MACROD2: variants seen among roughly 807,000 people sequenced by gnomAD.
MACROD2 encodes mono-ADP ribosylhydrolase 2.
A neutral mutation model predicts 70.4 loss-of-function variants in MACROD2; 36 were observed. The observed-to-expected ratio is 0.51, with a 90% CI of 0.39 to 0.68. The LOEUF (loss-of-function observed/expected upper bound fraction) is 0.68, where lower values mean the gene tolerates loss of function less well. Ranked by LOEUF, MACROD2 falls within the 30% of genes least tolerant of loss-of-function variation. The probability of loss-of-function intolerance (pLI) is 0.00; values close to 1 mark genes in which losing one functional copy is unlikely to be tolerated. For synonymous variants in MACROD2, 172 were observed against 178.8 expected (o/e 0.96, Z 0.30); for missense variants, 496 against 538.4 (o/e 0.92, Z 0.78).
intron 3 of MACROD2, among the ~76,000 whole-genome samples, chr20:14,468,176 T>C (rs985409630): frequency 1.2e-4 from 19 of 152,014 alleles, no homozygotes; most frequent in African/African-American, 4.6e-4. Flanking sequence ...TTTAATTTCC[T>C]GTCTTGTTGA....
In MACROD2 at chr20:15,936,671, G is replaced by GTATATATA. The variant is rs10626103; in HGVS notation, c.839-795_839-788dup. Among the ~76,000 whole-genome samples the GTATATATA allele has an allele frequency of 6.3e-5, 9 of 143,298 alleles. No homozygotes were observed. The East Asian group carries it at 8.6e-4, about 14-fold the overall frequency. The allele number at this position is 143,298 out of a possible 152,430, so 94.0% of individuals were successfully genotyped here. A position where few individuals can be genotyped will look rare whatever the true frequency, so the allele number is the denominator to read the frequency against. Reference sequence around the variant, plus strand: ...TTTTGTCCATAATGTGTATATGTGTGTATATATATATATATATTCATTTTC... The same window carrying GTATATATA: ...TTTTGTCCATAATGTGTATATGTGTGTATATATATATATATATATATATATTCATTTTC... On this transcript the variant is annotated intron_variant, in intron 11 of 17. Transcript: ENST00000684519.
chr20:15,782,471 C>T (rs1169333021), intron 8 of MACROD2, among the ~76,000 whole-genome samples: 2 of 151,994 alleles, frequency 1.3e-5, no homozygotes, highest in African/African-American at 4.8e-5. Context: ...GCTGGAGCTG[C>T]AAGAATGGCC....
chr20:15,234,789 A>G (rs1156291131), intron 6 of MACROD2, among the ~76,000 whole-genome samples: 1 of 152,216 alleles, frequency 6.6e-6, no homozygotes, highest in Admixed American at 6.5e-5. Context: ...AAAAATTTCT[A>G]TTGAGCCAGG....
intron 5 of MACROD2, among the ~76,000 whole-genome samples, chr20:15,128,336 T>G (rs1225591070): frequency 6.6e-6 from 1 of 152,086 alleles, no homozygotes; most frequent in Non-Finnish European, 1.5e-5. Flanking sequence ...AATGTGTCCC[T>G]TCCAACGTTC....
chr20:14,080,341 G>T (rs1335981923), intron 2 of MACROD2, among the ~76,000 whole-genome samples: 1 of 149,756 alleles, frequency 6.7e-6, no homozygotes, highest in Non-Finnish European at 1.5e-5. Context: ...TACTCAGGAG[G>T]CTGAAGGAGG....
intron 3 of MACROD2, among the ~76,000 whole-genome samples, chr20:14,140,614 CTTTCTTT>C (rs894310189): frequency 3.3e-5 from 5 of 152,092 alleles, no homozygotes; most frequent in Non-Finnish European, 7.4e-5. Context: ...AAAGTATCAA[CTTTCTTT>C]TTTCTTTTTT....
At position 13,995,819 on chromosome 20, in the gene MACROD2, C is replaced by A. The variant is rs774556247; in HGVS notation, c.46+10C>A. The A allele has an allele frequency of 5.1e-6, 8 of 1,574,090 alleles. No individual in the cohort carries two copies. The highest frequency in any genetic ancestry group is 1.7e-4 in the Middle Eastern group (1 of 5,788). On this transcript the variant is annotated intron_variant, in intron 1 of 17. Transcript: ENST00000684519. This position sits in a 1 kb window ranked among gnomAD's most constrained non-coding sequence, Gnocchi z 4.3. ...TGGAGAGAGGAGAAAGGTAACCGGC[C>A]CGTCGAGTCCTGGGGGTGCGGGCGG...
chr20:14,119,424 C>T (rs1479986951), intron 3 of MACROD2, among the ~76,000 whole-genome samples: 1 of 152,122 alleles, frequency 6.6e-6, no homozygotes, highest in African/African-American at 2.4e-5. Context: ...CCTACCTCAG[C>T]CTCCCAAAGT....
At chr20:14,560,463 T>C (rs1375369718) in intron 4 of MACROD2, among the ~76,000 whole-genome samples, 1 of 151,792 alleles carries the variant, frequency 6.6e-6, no homozygotes, top group East Asian at 1.9e-4. Context: ...CATATGTGGT[T>C]GGATATAAGA....
chr20:15,160,495 C>T (rs1407284573), intron 5 of MACROD2, among the ~76,000 whole-genome samples: 2 of 152,086 alleles, frequency 1.3e-5, no homozygotes, highest in African/African-American at 4.8e-5. Context: ...TCCTTTGACC[C>T]TACTTTTTAT....
At chr20:14,296,519 A>T (rs2082428876) in intron 3 of MACROD2, among the ~76,000 whole-genome samples, 1 of 152,024 alleles carries the variant, frequency 6.6e-6, no homozygotes, top group Non-Finnish European at 1.5e-5. Context: ...CACAAATGTA[A>T]TGTTTGCGTG....
At chr20:14,822,903 A>C (rs2072862644) in intron 5 of MACROD2, among the ~76,000 whole-genome samples, 1 of 152,092 alleles carries the variant, frequency 6.6e-6, no homozygotes, top group Non-Finnish European at 1.5e-5. Context: ...ATCTAAAAAA[A>C]AGTGCTGTCA....
In MACROD2 at chr20:15,230,039, AAG is replaced by A; in HGVS notation, c.520_521del (p.Glu174LysfsTer2). ...TATAAATCATCTCTGAAGCTCGTGA[AAG>A]AAAATAACATCCGATCAGTTGTAAG... is the stretch of plus-strand genomic sequence containing the variant. On this transcript the variant is annotated frameshift_variant, in exon 6 of 18. Transcript: ENST00000684519. LOFTEE classifies it high-confidence loss of function. 1 of 1,613,576 alleles carries A rather than the reference AAG, an allele frequency of 6.2e-7. No individual in the cohort carries two copies. Among genetic ancestry groups the A allele is most frequent in the Non-Finnish European group, 8.5e-7 (1 of 1,179,704 alleles).
At chr20:15,504,033 C>G (rs538458556) in intron 8 of MACROD2, among the ~76,000 whole-genome samples, 92 of 152,280 alleles carry the variant, frequency 6.0e-4, no homozygotes, top group African/African-American at 2.1e-3. Flanking sequence ...CATTAACTTA[C>G]TCTCTGATTT....
chr20:15,485,641 GTTTTCCTCCTTTAAAA>G (rs2146462847), intron 7 of MACROD2, among the ~76,000 whole-genome samples: 1 of 152,232 alleles, frequency 6.6e-6, no homozygotes, highest in South Asian at 2.1e-4. Context: ...TTAAAATGCA[GTTTTCCTCCTTTAAAA>G]TTCTGTGGCT....
At chr20:15,899,632 G>A (rs1040095600) in intron 10 of MACROD2, among the ~76,000 whole-genome samples, 3 of 152,168 alleles carry the variant, frequency 2.0e-5, no homozygotes, top group African/African-American at 7.2e-5. Flanking sequence ...GCCTTCAGTG[G>A]CTTTTGGTAA....
intron 6 of MACROD2, among the ~76,000 whole-genome samples, chr20:15,389,599 T>TC (rs2045765530): frequency 1.3e-5 from 2 of 152,228 alleles, no homozygotes; most frequent in South Asian, 4.1e-4. Flanking sequence ...AAAGTGTGAA[T>TC]ATTTTTACTA....
chr20:14,923,640 G>A (rs1368065252), intron 5 of MACROD2, among the ~76,000 whole-genome samples: 1 of 151,968 alleles, frequency 6.6e-6, no homozygotes, highest in African/African-American at 2.4e-5. Flanking sequence ...CATGGTGTGA[G>A]TTCAAGCAAT....
intron 5 of MACROD2, among the ~76,000 whole-genome samples, chr20:14,766,191 G>T (rs1177484737): frequency 6.6e-6 from 1 of 152,052 alleles, no homozygotes; most frequent in Non-Finnish European, 1.5e-5. Context: ...CTCACGGGTA[G>T]TCGGCCAATT....
Sources: gnomAD v4.1 joint callset for allele counts (sites outside exome capture counted in the v4.1 genomes callset) on GRCh38, gnomAD v4.1.1 for gene constraint, Gnocchi (gnomAD v3.1) non-coding constraint, MANE v1.5 for transcripts, NCBI Gene and HGNC (gene_info 2026-07-23, HGNC 2026-07-21) for gene names.